PAG1: variants seen among roughly 807,000 people sequenced by gnomAD.
The protein encoded by PAG1 is phosphoprotein associated with glycosphingolipid-enriched microdomains 1.
In PAG1, 23 loss-of-function variants were observed where a neutral mutation model predicts 31.7. The ratio of observed to expected loss-of-function variants is 0.73; its 90% confidence interval spans 0.52 to 1.03. The LOEUF (loss-of-function observed/expected upper bound fraction) is 1.03. Ranked by LOEUF, PAG1 falls within the 50% of genes least tolerant of loss-of-function variation. PAG1 has a pLI of 0.00. For synonymous variants in PAG1, 214 were observed against 210.3 expected, an observed-to-expected ratio of 1.02 and a Z score of -0.15; for missense variants, 473 against 540.7, an observed-to-expected ratio of 0.87 and a Z score of 1.24.
chr8:81,080,439 G>A (rs927904760), intron 1 of PAG1, among the ~76,000 whole-genome samples: 1 of 152,134 alleles, frequency 6.6e-6, no homozygotes, highest in African/African-American at 2.4e-5. Context: ...TGATTTGGTA[G>A]CTAGGTGGGT....
chr8:81,089,169 C>T (rs1259608246), intron 1 of PAG1, among the ~76,000 whole-genome samples: 2 of 152,178 alleles, frequency 1.3e-5, no homozygotes, highest in Non-Finnish European at 2.9e-5. Context: ...TAGTTAACAG[C>T]ATTAAGTTTC....
At chr8:81,025,060 T>TG (rs1250705254) in intron 3 of PAG1, among the ~76,000 whole-genome samples, 1 of 152,176 alleles carries the variant, frequency 6.6e-6, no homozygotes, top group African/African-American at 2.4e-5. Flanking sequence ...TCCCAATAGC[T>TG]ATCAGTTTAA....
At chr8:81,104,624 T>TAA (rs1193020174) in intron 1 of PAG1, among the ~76,000 whole-genome samples, 1 of 152,146 alleles carries the variant, frequency 6.6e-6, no homozygotes, top group Non-Finnish European at 1.5e-5. Flanking sequence ...CCATCCTCTG[T>TAA]ATTCATTATC....
At position 81,103,943 on chromosome 8, in the gene PAG1, G is replaced by C. The variant is rs141065294; in HGVS notation, c.-234+7648C>G. ...CCTGTGTCCTGCTGTCAATGAAGGA[G>C]AAAAACAAATGGAAAAGAAAAATAA... On this transcript the variant is annotated intron_variant, in intron 1 of 8. Transcript: ENST00000220597. Among the ~76,000 whole-genome samples the C allele has an allele frequency of 1.4e-4, 22 of 152,096 alleles. No individual in the cohort carries two copies. In the East Asian group the frequency reaches 4.1e-3, roughly 28 times the overall value.
chr8:81,059,452 C>T (rs1747941363), intron 2 of PAG1, among the ~76,000 whole-genome samples: 1 of 151,882 alleles, frequency 6.6e-6, no homozygotes, highest in Non-Finnish European at 1.5e-5. Flanking sequence ...ATTGAAAGAC[C>T]AGTATTTACA....
chr8:80,992,167 G>A (rs966183371), intron 4 of PAG1, among the ~76,000 whole-genome samples: 3 of 152,166 alleles, frequency 2.0e-5, no homozygotes, highest in Non-Finnish European at 4.4e-5. Flanking sequence ...TCCAGGCCCC[G>A]GGAAGCCCCG....
chr8:80,998,664 C>T, intron 3 of PAG1, among the ~76,000 whole-genome samples: 1 of 151,634 alleles, frequency 6.6e-6, no homozygotes, highest in Non-Finnish European at 1.5e-5. Context: ...TTTGGCCAAA[C>T]ATCCTTAACA....
intron 1 of PAG1, among the ~76,000 whole-genome samples, chr8:81,071,995 G>A (rs2130973871): frequency 6.6e-6 from 1 of 152,292 alleles, no homozygotes; most frequent in Non-Finnish European, 1.5e-5. Context: ...ATCTGCTTTA[G>A]AGGCTTAACC....
intron 2 of PAG1, among the ~76,000 whole-genome samples, chr8:81,064,713 C>T (rs920400404): frequency 3.3e-5 from 5 of 152,126 alleles, no homozygotes; most frequent in Admixed American, 1.3e-4. Flanking sequence ...ACGGCAGCCT[C>T]GGTCCTTCAA....
At chr8:81,082,471 A>T (rs973641124) in intron 1 of PAG1, among the ~76,000 whole-genome samples, 1 of 152,094 alleles carries the variant, frequency 6.6e-6, no homozygotes, top group African/African-American at 2.4e-5. Context: ...TAAATGTGGC[A>T]AGTCTTCAGC....
At chr8:80,995,055 A>C (rs537799016) in intron 3 of PAG1, among the ~76,000 whole-genome samples, 17 of 152,244 alleles carry the variant, frequency 1.1e-4, no homozygotes, top group Non-Finnish European at 2.4e-4. Context: ...AACGGGGAGA[A>C]TAAAAGCCAT....
intron 7 of PAG1, among the ~76,000 whole-genome samples, chr8:80,982,361 C>T (rs1166528073): frequency 3.9e-5 from 6 of 152,090 alleles, no homozygotes; most frequent in African/African-American, 1.4e-4. Flanking sequence ...CAGAGCGGCC[C>T]GCCACTCCTT....
intron 5 of PAG1, among the ~76,000 whole-genome samples, chr8:80,989,400 T>C (rs888680733): frequency 6.6e-6 from 1 of 152,174 alleles, no homozygotes; most frequent in Non-Finnish European, 1.5e-5. Context: ...CTATTCCTAA[T>C]CTTTGCTTCT....
At chr8:81,094,634 C>T (rs1809497991) in intron 1 of PAG1, among the ~76,000 whole-genome samples, 1 of 152,012 alleles carries the variant, frequency 6.6e-6, no homozygotes, top group Non-Finnish European at 1.5e-5. Context: ...TATATATTTT[C>T]CCCTAGAACT....
At chr8:81,102,134 T>C (rs2131114224) in intron 1 of PAG1, among the ~76,000 whole-genome samples, 1 of 152,234 alleles carries the variant, frequency 6.6e-6, no homozygotes, top group South Asian at 2.1e-4. Context: ...TTGAGTTTCC[T>C]CACATATTAT....
At chr8:81,017,722 T>C (rs147864099) in intron 3 of PAG1, among the ~76,000 whole-genome samples, 10 of 152,346 alleles carry the variant, frequency 6.6e-5, no homozygotes, top group African/African-American at 2.4e-4. Context: ...CTTTCCTTGC[T>C]TGTTCTCAAG....
chr8:81,083,804 G>A (rs1809307225), intron 1 of PAG1, among the ~76,000 whole-genome samples: 1 of 152,076 alleles, frequency 6.6e-6, no homozygotes, highest in Non-Finnish European at 1.5e-5. Context: ...GGAGGCTGAG[G>A]CGGGTAGATC....
intron 2 of PAG1, among the ~76,000 whole-genome samples, chr8:81,041,782 T>C (rs1489625734): frequency 1.3e-5 from 2 of 152,260 alleles, no homozygotes; most frequent in Middle Eastern, 3.4e-3. Flanking sequence ...TTGCCAATAT[T>C]TGTAGGCCAG....
At chr8:81,073,302 G>A (rs2130980878) in intron 1 of PAG1, among the ~76,000 whole-genome samples, 1 of 152,318 alleles carries the variant, frequency 6.6e-6, no homozygotes, top group South Asian at 2.1e-4. Context: ...ATGCTACGGA[G>A]TGCAGAGCAG....
Sources: gnomAD v4.1 joint callset for allele counts (sites outside exome capture counted in the v4.1 genomes callset) on GRCh38, gnomAD v4.1.1 for gene constraint, MANE v1.5 for transcripts, NCBI Gene and HGNC (gene_info 2026-07-23, HGNC 2026-07-21) for gene names.